TBC1D22A: variants seen among roughly 807,000 people sequenced by gnomAD.
The protein encoded by TBC1D22A is putative GTPase activator.
In TBC1D22A, 38 loss-of-function variants were observed where a neutral mutation model predicts 60.2. That is an observed-to-expected ratio of 0.63 (90% CI 0.49 to 0.83). The LOEUF (loss-of-function observed/expected upper bound fraction) is 0.83. TBC1D22A is among the 40% of genes least tolerant of loss of function. The pLI is 0.00. For missense variants in TBC1D22A, 628 were observed against 701.0 expected, an observed-to-expected ratio of 0.90 and a Z score of 1.18; for synonymous variants, 302 against 281.7, an observed-to-expected ratio of 1.07 and a Z score of -0.72.
At chr22:46,832,071 A>C (rs533511357) in intron 4 of TBC1D22A, among the ~76,000 whole-genome samples, 1 of 152,138 alleles carries the variant, frequency 6.6e-6, no homozygotes, top group Non-Finnish European at 1.5e-5. Context: ...TTTTGAGTCA[A>C]CTTCTCGGCT....
rs897627439 is a variant in TBC1D22A at position 47,092,315 on chromosome 22, G to A, written c.1330-19193G>A. Among the ~76,000 whole-genome samples, 12 of 152,176 alleles carry A rather than the reference G, an allele frequency of 7.9e-5. 1 individual carries two copies. Among genetic ancestry groups the A allele is most frequent in the South Asian group, 6.2e-4 (3 of 4,830 alleles). ...CCAGAGCACAGGACAGAGAGGTATG[G>A]AGGGAGCCCGCAGCAGCCCAGAGTG... On this transcript the variant is annotated intron_variant, in intron 11 of 12. Transcript: ENST00000337137.
intron 11 of TBC1D22A, among the ~76,000 whole-genome samples, chr22:47,082,564 A>G (rs1479614971): frequency 2.0e-5 from 3 of 152,288 alleles, no homozygotes; most frequent in Non-Finnish European, 4.4e-5. Context: ...AAAAGTGGAC[A>G]GAAGGTTCAG....
chr22:47,048,530 C>T (rs131913), intron 11 of TBC1D22A, among the ~76,000 whole-genome samples: 104,785 of 152,076 alleles, frequency 0.69, 36,660 homozygotes, highest in East Asian at 0.92. Flanking sequence ...GCAGCCTTGC[C>T]TTCCAGATGT....
intron 8 of TBC1D22A, among the ~76,000 whole-genome samples, chr22:46,967,983 T>A (rs548928159): frequency 1.3e-5 from 2 of 152,238 alleles, no homozygotes; most frequent in African/African-American, 4.8e-5. Context: ...CTACTCCAGT[T>A]CCAGAGGCTG....
At chr22:46,935,594 G>GC (rs1399082732) in intron 8 of TBC1D22A, among the ~76,000 whole-genome samples, 3 of 152,120 alleles carry the variant, frequency 2.0e-5, no homozygotes, top group East Asian at 3.9e-4. Context: ...ATTCCGTCTC[G>GC]CCCCCCTCCT....
At chr22:47,083,384 A>ACAC (rs2064552676) in intron 11 of TBC1D22A, among the ~76,000 whole-genome samples, 1 of 150,446 alleles carries the variant, frequency 6.6e-6, no homozygotes, top group Non-Finnish European at 1.5e-5. Context: ...CACACACACG[A>ACAC]GTCAAAACAT....
chr22:47,037,555 C>T (rs369662168), intron 11 of TBC1D22A, among the ~76,000 whole-genome samples: 16 of 152,130 alleles, frequency 1.1e-4, no homozygotes, highest in Non-Finnish European at 1.6e-4. Context: ...TGCTTGAACC[C>T]GGGAGGCGGA....
chr22:46,830,266 G>C (rs1602056355), intron 4 of TBC1D22A, among the ~76,000 whole-genome samples: 1 of 152,232 alleles, frequency 6.6e-6, no homozygotes. Context: ...CCAGGCCTGA[G>C]AGTGACTGCT....
intron 11 of TBC1D22A, among the ~76,000 whole-genome samples, chr22:47,077,695 C>T (rs1463737751): frequency 1.3e-5 from 2 of 152,224 alleles, no homozygotes; most frequent in African/African-American, 2.4e-5. Context: ...CACTGCAGAG[C>T]ACCGAAGGCT....
At chr22:46,852,403 C>G (rs1389907487) in intron 4 of TBC1D22A, among the ~76,000 whole-genome samples, 1 of 152,222 alleles carries the variant, frequency 6.6e-6, no homozygotes. Flanking sequence ...CGACACCATT[C>G]ACATGCTGAT....
At chr22:46,802,178 G>A (rs2084926811) in intron 4 of TBC1D22A, among the ~76,000 whole-genome samples, 1 of 152,250 alleles carries the variant, frequency 6.6e-6, no homozygotes, top group African/African-American at 2.4e-5. Flanking sequence ...TCCAGGCTCT[G>A]TTGAGCACCT....
intron 10 of TBC1D22A, among the ~76,000 whole-genome samples, chr22:47,011,230 C>T (rs1173692202): frequency 2.0e-5 from 3 of 152,148 alleles, no homozygotes; most frequent in Non-Finnish European, 4.4e-5. Context: ...CTTGGGGTGT[C>T]CTGTGGGCTC....
chr22:46,940,154 C>T (rs1472664962), intron 8 of TBC1D22A, among the ~76,000 whole-genome samples: 1 of 152,170 alleles, frequency 6.6e-6, no homozygotes, highest in East Asian at 1.9e-4. Context: ...AGCATACATA[C>T]CATAATTTAA....
intron 11 of TBC1D22A, among the ~76,000 whole-genome samples, chr22:47,082,019 G>A (rs1484070549): frequency 2.6e-5 from 4 of 152,128 alleles, no homozygotes; most frequent in Non-Finnish European, 2.9e-5. Context: ...TTAGCCAGGC[G>A]TGGTGACGCA....
intron 1 of TBC1D22A, among the ~76,000 whole-genome samples, chr22:46,783,930 G>A (rs1235119626): frequency 6.6e-6 from 1 of 152,128 alleles, no homozygotes; most frequent in East Asian, 1.9e-4. Context: ...ATCAAGAAGT[G>A]GAATTACGTC....
At chr22:47,120,016 A>AAAAT (rs1339649848) in intron 12 of TBC1D22A, among the ~76,000 whole-genome samples, 2 of 152,172 alleles carry the variant, frequency 1.3e-5, no homozygotes, top group African/African-American at 4.8e-5. Context: ...ATTATAAAAT[A>AAAAT]AAAAATATCC....
intron 4 of TBC1D22A, among the ~76,000 whole-genome samples, chr22:46,836,759 A>G (rs556749904): frequency 1.3e-5 from 2 of 152,328 alleles, no homozygotes; most frequent in Middle Eastern, 3.4e-3. Context: ...TTAGTGACAC[A>G]TAGGCTGAAA....
At chr22:46,863,875 TCATGGACATCTCTTATGTC>T (rs1426939905) in intron 4 of TBC1D22A, among the ~76,000 whole-genome samples, 2 of 152,190 alleles carry the variant, frequency 1.3e-5, no homozygotes, top group Admixed American at 1.3e-4. Context: ...TCTGCCGGCC[TCATGGACATCTCTTATGTC>T]CAGGGACATA....
intron 4 of TBC1D22A, among the ~76,000 whole-genome samples, chr22:46,861,162 T>C (rs1486516759): frequency 6.6e-6 from 1 of 152,128 alleles, no homozygotes. Context: ...TTCGCCCTCT[T>C]GCCCAGGTTG....
Sources: allele counts gnomAD v4.1 joint callset (sites outside exome capture counted in the v4.1 genomes callset), GRCh38; gene constraint gnomAD v4.1.1; transcripts MANE v1.5; gene names NCBI Gene and HGNC (gene_info 2026-07-23, HGNC 2026-07-21).